Variants in ASB13 observed in about 807,000 individuals in gnomAD.
The protein encoded by ASB13 is ankyrin repeat and SOCS box containing 13, also known as ankyrin repeat and SOCS box protein 13.
In ASB13, 33 loss-of-function variants were observed where a neutral mutation model predicts 28.8. That is an observed-to-expected ratio of 1.15 (90% CI 0.87 to 1.53). ASB13 has a LOEUF of 1.53. ASB13 is among the 40% of genes most tolerant of loss of function. ASB13 has a pLI of 0.00. For synonymous variants in ASB13, 182 were observed against 172.9 expected, an observed-to-expected ratio of 1.05 and a Z score of -0.41; for missense variants, 414 against 390.1, an observed-to-expected ratio of 1.06 and a Z score of -0.52.
rs186185734 is a variant in ASB13 at position 5,662,571 on chromosome 10, G to C, written c.43+3938C>G. Among the ~76,000 whole-genome samples the C allele has an allele frequency of 4.7e-3, 301 of 64,630 alleles. 4 individuals are homozygous for C. The highest frequency in any genetic ancestry group is 8.9e-3 in the African/African-American group (165 of 18,460). The allele number at this position is 64,630 out of a possible 152,430, so 42.4% of individuals were successfully genotyped here. The stretch of plus-strand genomic sequence containing the variant: ...GAGGGGAGGGGAGGGGAGGGGAGAA[G>C]AGAAGAGAAGAGAAGAGAAGAGAAG... On this transcript the variant is annotated intron_variant, in intron 1 of 5. Transcript: ENST00000357700.
intron 1 of ASB13, among the ~76,000 whole-genome samples, chr10:5,665,794 T>A (rs1345272870): frequency 1.3e-5 from 2 of 151,858 alleles, no homozygotes; most frequent in Non-Finnish European, 2.9e-5. Context: ...TGAATATGCT[T>A]TAGATTTTTT....
In ASB13 at chr10:5,664,646, A is replaced by AT. The variant is rs1334323784; in HGVS notation, c.43+1862dup. Among the ~76,000 whole-genome samples, 1 of 152,208 alleles carries AT rather than the reference A, an allele frequency of 6.6e-6. No homozygotes were observed. The highest frequency in any genetic ancestry group is 1.9e-4 in the East Asian group (1 of 5,192). ...GTTCATCTACCACAGAAGGACGTCC[A>AT]TAGGGAATGCAGAATTTCTTTATTT... On this transcript the variant is annotated intron_variant, in intron 1 of 5. Coordinates refer to ENST00000357700, the MANE Select transcript of ASB13 (RefSeq NM_024701.4). This position sits in a 1 kb window ranked among gnomAD's most constrained non-coding sequence, Gnocchi z 4.2.
chr10:5,640,526 C>T lies in ASB13; in HGVS notation c.*177G>A. 1.2e-6 allele frequency: 1 copy of T among 806,826 alleles called. No individual in the cohort carries two copies. Among genetic ancestry groups the T allele is most frequent in the South Asian group, 1.8e-5 (1 of 55,874 alleles). 50.0% of individuals were successfully genotyped at this position (806,826 alleles called of 1,614,324 possible). A position where few individuals can be genotyped will look rare whatever the true frequency, so the allele number is the denominator to read the frequency against. Reference sequence around the variant, plus strand: ...ACCTGAGACGCAGGCCTTCCCAACACCCTGGAAACATTATCCAGGATCCAG... The same window carrying T: ...ACCTGAGACGCAGGCCTTCCCAACATCCTGGAAACATTATCCAGGATCCAG... On this transcript the variant is annotated 3_prime_UTR_variant, in exon 6 of 6. Transcript: ENST00000357700.
rs12572930 is a variant in ASB13, at chr10:5,664,974, A to T, written c.43+1535T>A. On this transcript the variant is annotated intron_variant, in intron 1 of 5. Coordinates refer to ENST00000357700, the MANE Select transcript of ASB13 (RefSeq NM_024701.4). The surrounding 1 kb of genome is among the most constrained non-coding windows in gnomAD (Gnocchi z 4.2). ...CAGGTTCGAGTGATTCTTCTGCCTC[A>T]GTCTCCCAAGTAGCTGGAACTACAG... 0.17 allele frequency among the ~76,000 whole-genome samples: 26,112 copies of T among 152,090 alleles called. 2,573 individuals carry two copies. The highest frequency in any genetic ancestry group is 0.24 in the Non-Finnish European group (16,355 of 67,956).
Position 5,653,438 on chromosome 10 carries a change from G to A in ASB13, c.44-388C>T, listed in dbSNP as rs145136147. On this transcript the variant is annotated intron_variant, in intron 1 of 5. Coordinates refer to ENST00000357700, the MANE Select transcript of ASB13 (RefSeq NM_024701.4). ...CTGGTGAAACGTTTACATCCTCCAGGTGGGCCCAGGTAAAACAACTTCTCT... is the reference window on the plus strand; with the variant it reads ...CTGGTGAAACGTTTACATCCTCCAGATGGGCCCAGGTAAAACAACTTCTCT... 6.1e-4 allele frequency among the ~76,000 whole-genome samples: 93 copies of A among 152,298 alleles called. 1 individual carries two copies. The highest frequency in any genetic ancestry group is 2.2e-3 in the African/African-American group (91 of 41,556).
rs1248483378 is a variant in ASB13, at chr10:5,641,309, C to T, written c.709+461G>A. On this transcript the variant is annotated intron_variant, in intron 5 of 5. Transcript: ENST00000357700. This position sits in a 1 kb window ranked among gnomAD's most constrained non-coding sequence, Gnocchi z 8.4. ...TAGAGATGGGGTTTCATCAAGTTGG[C>T]CAGGCTGGTTTCGAACTCCTGACCT... Among the ~76,000 whole-genome samples the T allele has an allele frequency of 6.6e-6, 1 of 152,112 alleles. No homozygotes were observed. The highest frequency in any genetic ancestry group is 1.5e-5 in the Non-Finnish European group (1 of 68,026).
At position 5,650,957 on chromosome 10, in the gene ASB13, C is replaced by T. The variant is rs1834974839; in HGVS notation, c.382+256G>A. Among the ~76,000 whole-genome samples the T allele has an allele frequency of 6.6e-6, 1 of 152,190 alleles. No homozygotes were observed. The highest frequency in any genetic ancestry group is 2.4e-5 in the African/African-American group (1 of 41,458). On this transcript the variant is annotated intron_variant, in intron 3 of 5. Coordinates refer to ENST00000357700, the MANE Select transcript of ASB13 (RefSeq NM_024701.4). This position sits in a 1 kb window ranked among gnomAD's most constrained non-coding sequence, Gnocchi z 6.0. ...CAGGCCCTGCTAACGTGGAGAGGCC[C>T]AGGGAACCCTGGCTTGGACACAGAA...
In ASB13 at chr10:5,645,039, C is replaced by T. The variant is rs1397649598; in HGVS notation, c.518-3078G>A. 2.6e-5 allele frequency among the ~76,000 whole-genome samples: 4 copies of T among 152,008 alleles called. No homozygotes were observed. The highest frequency in any genetic ancestry group is 9.7e-5 in the African/African-American group (4 of 41,450). ...GCAGGGAATTAAAAGCTCTGAACTT[C>T]GTGCTTCAGAGAAAAGGGGTCAACA... On this transcript the variant is annotated intron_variant, in intron 4 of 5. Transcript: ENST00000357700. This position sits in a 1 kb window ranked among gnomAD's most constrained non-coding sequence, Gnocchi z 5.4.
In ASB13 at chr10:5,651,073, A is replaced by T. The variant is rs887207209; in HGVS notation, c.382+140T>A. On this transcript the variant is annotated intron_variant, in intron 3 of 5. Transcript: ENST00000357700. The surrounding 1 kb of genome is among the most constrained non-coding windows in gnomAD (Gnocchi z 5.1). ...CTGCAGCTGAGCCACCAGGAGCCAG[A>T]AACAGACTCAGAACTCTCCTTCACC... 3 of 1,153,942 alleles carry T rather than the reference A, an allele frequency of 2.6e-6. No individual in the cohort carries two copies. The highest frequency in any genetic ancestry group is 3.6e-6 in the Non-Finnish European group (3 of 832,178). 71.5% of individuals were successfully genotyped at this position (1,153,942 alleles called of 1,614,324 possible). A position where few individuals can be genotyped will look rare whatever the true frequency, so the allele number is the denominator to read the frequency against.
In ASB13 at chr10:5,640,751, G is replaced by C. The variant is rs749729189; in HGVS notation, c.789C>G (p.Ala263=). 14 of 1,614,014 alleles carry C rather than the reference G, an allele frequency of 8.7e-6. No individual in the cohort carries two copies. The South Asian group carries it at 1.2e-4, about 14-fold the overall frequency. Reference sequence around the variant, plus strand: ...TGAGCCGGGGCGGGATGTTTAACTTGGCAATCTTCTCCAGCCCTCGGACGC... The same window carrying C: ...TGAGCCGGGGCGGGATGTTTAACTTCGCAATCTTCTCCAGCCCTCGGACGC... The part of the protein sequence containing the change: ...ATGVRGLEKI[A]KLNIPPRLID... The change falls in exon 6 of 6, where the codon GCC becomes GCG. Residue 263 remains alanine, a synonymous_variant. Coordinates refer to ENST00000357700, the MANE Select transcript of ASB13 (RefSeq NM_024701.4).
chr10:5,666,514 T>C lies in ASB13; in HGVS notation c.38A>G (p.Asp13Gly), dbSNP rs889568402. ...TCCGCGGCGCCCGCACGTACCCACG[T>C]CGCCCAGGAAGCAGCCGTCCGCCGC... ...PRAADGCFLG[D>G]VGFWVERTPV... Residue 13 changes from aspartate to glycine, a missense_variant, in exon 1 of 6, where the codon GAC becomes GGC. Transcript: ENST00000357700. The C allele has an allele frequency of 3.1e-6, 4 of 1,285,570 alleles. No individual in the cohort carries two copies. Among genetic ancestry groups the C allele is most frequent in the Non-Finnish European group, 4.0e-6 (4 of 1,011,812 alleles). The allele number at this position is 1,285,570 out of a possible 1,614,324, so 79.6% of individuals were successfully genotyped here.
intron 1 of ASB13, among the ~76,000 whole-genome samples, chr10:5,654,145 C>CTTTTTTTTT (rs145949502): frequency 5.3e-4 from 68 of 128,672 alleles, no homozygotes; most frequent in Non-Finnish European, 7.4e-4. Context: ...TTCTTTTTTT[C>CTTTTTTTTT]TTTTTTTTTT....
At chr10:5,654,631 AC>A (rs1835043403) in intron 1 of ASB13, among the ~76,000 whole-genome samples, 1 of 152,214 alleles carries the variant, frequency 6.6e-6, no homozygotes, top group African/African-American at 2.4e-5. Flanking sequence ...GTCACAAATG[AC>A]AACAGTGCTG....
chr10:5,648,726 G>A lies in ASB13; in HGVS notation c.517+244C>T, dbSNP rs1211175964. 5.2e-5 allele frequency among the ~76,000 whole-genome samples: 7 copies of A among 133,524 alleles called. No individual in the cohort carries two copies. In the South Asian group the frequency reaches 7.5e-4, roughly 14 times the overall value. The allele number at this position is 133,524 out of a possible 152,430, so 87.6% of individuals were successfully genotyped here. A position where few individuals can be genotyped will look rare whatever the true frequency, so the allele number is the denominator to read the frequency against. On this transcript the variant is annotated intron_variant, in intron 4 of 5. Transcript: ENST00000357700. ...AACACCCCCGGGGGTAAACACCCACGCAGGTAAACACCCACACGGGCAAAC... is the reference window on the plus strand; with the variant it reads ...AACACCCCCGGGGGTAAACACCCACACAGGTAAACACCCACACGGGCAAAC...
In ASB13 at chr10:5,652,360, G is replaced by T. The variant is rs1160319939; in HGVS notation, c.231+503C>A. ...GGCCAGTGTTTGCCAGCTCGGGAGA[G>T]CTGGCTGCCAATGTGCCAGGAATTC... On this transcript the variant is annotated intron_variant, in intron 2 of 5. Transcript: ENST00000357700. The surrounding 1 kb of genome is among the most constrained non-coding windows in gnomAD (Gnocchi z 5.0). 2.0e-5 allele frequency among the ~76,000 whole-genome samples: 3 copies of T among 152,218 alleles called. No homozygotes were observed. The highest frequency in any genetic ancestry group is 4.4e-5 in the Non-Finnish European group (3 of 68,046).
rs561280906 is a variant in ASB13 at position 5,645,277 on chromosome 10, A to T, written c.518-3316T>A. Among the ~76,000 whole-genome samples the T allele has an allele frequency of 2.4e-4, 36 of 152,160 alleles. No individual in the cohort carries two copies. The highest frequency in any genetic ancestry group is 3.9e-4 in the Admixed American group (6 of 15,302). ...AAATTTAAAAAATTATAATTAAAAA[A>T]TTTTTTAAAAATTAAACAACAATTT... On this transcript the variant is annotated intron_variant, in intron 4 of 5. Transcript: ENST00000357700. The surrounding 1 kb of genome is among the most constrained non-coding windows in gnomAD (Gnocchi z 5.4).
chr10:5,640,891 A>G, intron 5 of ASB13, 61 bp from the exon 6 acceptor site: 1 of 1,594,244 alleles, frequency 6.3e-7, no homozygotes. Flanking sequence ...AACACCTGCA[A>G]TGGAACACAA....
At chr10:5,648,871 C>CGGGCAAACACCCACTT (rs1382412384) in intron 4 of ASB13, 99 bp downstream of exon 4, 26 of 1,555,520 alleles carry the variant, frequency 1.7e-5, no homozygotes, top group African/African-American at 4.1e-5. Flanking sequence ...AACACCCACT[C>CGGGCAAACACCCACTT]GGGCAAACAC....
intron 4 of ASB13, among the ~76,000 whole-genome samples, chr10:5,647,287 A>C (rs1834899838): frequency 1.3e-5 from 2 of 152,284 alleles, no homozygotes; most frequent in Admixed American, 6.5e-5. Flanking sequence ...TTTATCCTAC[A>C]CTACACCCAG....
Sources: gnomAD v4.1 joint callset for allele counts (sites outside exome capture counted in the v4.1 genomes callset) on GRCh38, gnomAD v4.1.1 for gene constraint, Gnocchi (gnomAD v3.1) non-coding constraint, MANE v1.5 for transcripts, NCBI Gene and HGNC (gene_info 2026-07-23, HGNC 2026-07-21) for gene names.